RFX4: variants seen among roughly 807,000 people sequenced by gnomAD.
RFX4 encodes transcription factor RFX4.
A neutral mutation model predicts 95.0 loss-of-function variants in RFX4; 10 were observed. The observed-to-expected ratio is 0.11, with a 90% confidence interval of 0.06 to 0.18. The LOEUF (loss-of-function observed/expected upper bound fraction) is 0.18. RFX4 is among the 10% of genes least tolerant of loss of function. The pLI is 1.00. For synonymous variants in RFX4, 321 were observed against 340.7 expected, an observed-to-expected ratio of 0.94 and a Z score of 0.64; for missense variants, 640 against 922.0, an observed-to-expected ratio of 0.69 and a Z score of 3.96.
At chr12:106,690,188 T>C (rs192050404) in intron 7 of RFX4, among the ~76,000 whole-genome samples, 8 of 152,228 alleles carry the variant, frequency 5.3e-5, no homozygotes, top group African/African-American at 1.9e-4. Flanking sequence ...TAGGAGTAAA[T>C]GTTTGTTGAG....
chr12:106,615,330 G>T (rs1378687974), intron 2 of RFX4, among the ~76,000 whole-genome samples: 1 of 151,956 alleles, frequency 6.6e-6, no homozygotes, highest in Non-Finnish European at 1.5e-5. Flanking sequence ...CCAAACTGTT[G>T]GTCTTACTGT....
chr12:106,589,948 AG>A (rs1363034091), intron 1 of RFX4, among the ~76,000 whole-genome samples: 1 of 152,250 alleles, frequency 6.6e-6, no homozygotes, highest in Non-Finnish European at 1.5e-5. Context: ...TCATCCAAGA[AG>A]ACTATGTGTC....
chr12:106,690,122 T>C (rs2041748972), intron 7 of RFX4, among the ~76,000 whole-genome samples: 1 of 152,102 alleles, frequency 6.6e-6, no homozygotes, highest in Non-Finnish European at 1.5e-5. Flanking sequence ...AAAAACGATG[T>C]CAGGTACAAA....
intron 4 of RFX4, among the ~76,000 whole-genome samples, chr12:106,664,585 TCTTA>T (rs2041137653): frequency 6.6e-6 from 1 of 151,802 alleles, no homozygotes; most frequent in African/African-American, 2.4e-5. Context: ...TGTATCTTCT[TCTTA>T]CTTCAGATTA....
intron 2 of RFX4, among the ~76,000 whole-genome samples, chr12:106,619,522 A>G (rs1043535689): frequency 6.6e-6 from 1 of 151,954 alleles, no homozygotes; most frequent in Non-Finnish European, 1.5e-5. Context: ...AAATTTTTTC[A>G]TTGCCTTTGG....
intron 4 of RFX4, among the ~76,000 whole-genome samples, chr12:106,677,435 A>G (rs1485516351): frequency 6.6e-6 from 1 of 152,126 alleles, no homozygotes; most frequent in East Asian, 1.9e-4. Flanking sequence ...AGTCGATCAC[A>G]GAGGGCCTCA....
rs569527593 is a variant in RFX4 at position 106,632,864 on chromosome 12, C to T, written c.131-6468C>T. ...ATCTGGCACTACAGGTGCACGCCAC[C>T]GTATCTGGCACTACAGGTGCATGCC... On this transcript the variant is annotated intron_variant, in intron 2 of 17. Coordinates refer to ENST00000392842, the MANE Select transcript of RFX4 (RefSeq NM_213594.3). Among the ~76,000 whole-genome samples, 12 of 151,822 alleles carry T rather than the reference C, an allele frequency of 7.9e-5. No individual in the cohort carries two copies. In the South Asian group the frequency reaches 8.4e-4, roughly 11 times the overall value.
intron 2 of RFX4, among the ~76,000 whole-genome samples, chr12:106,621,919 G>A (rs2040194917): frequency 6.6e-6 from 1 of 152,108 alleles, no homozygotes; most frequent in Non-Finnish European, 1.5e-5. Flanking sequence ...AGTCCTGTCT[G>A]CATTTATTGC....
At chr12:106,732,312 T>C (rs2042628324) in intron 14 of RFX4, 63 bp downstream of exon 14, 1 of 1,591,734 alleles carries the variant, frequency 6.3e-7, no homozygotes, top group Non-Finnish European at 8.6e-7. Flanking sequence ...CTTACTTCTG[T>C]GCTTTATGTT....
intron 10 of RFX4, 132 bp downstream of exon 10, chr12:106,711,643 C>T: frequency 1.4e-6 from 1 of 706,650 alleles, no homozygotes; most frequent in Non-Finnish European, 2.5e-6. Context: ...TTAATTTCTA[C>T]AGATAAGGAA....
At chr12:106,743,006 TG>T (rs1760192145) in intron 15 of RFX4, among the ~76,000 whole-genome samples, 1 of 152,162 alleles carries the variant, frequency 6.6e-6, no homozygotes, top group Admixed American at 6.5e-5. Flanking sequence ...AAAGCAACCT[TG>T]GGGAAGAAGA....
At chr12:106,642,395 C>T (rs1468710233) in intron 3 of RFX4, among the ~76,000 whole-genome samples, 3 of 151,838 alleles carry the variant, frequency 2.0e-5, no homozygotes, top group South Asian at 2.1e-4. Flanking sequence ...GTGGGAGGAT[C>T]GCTTGAAGCC....
intron 17 of RFX4, among the ~76,000 whole-genome samples, chr12:106,758,633 A>G (rs1442454334): frequency 6.6e-6 from 1 of 152,236 alleles, no homozygotes; most frequent in Non-Finnish European, 1.5e-5. Flanking sequence ...GAGAATTCTA[A>G]GGCCCCAGAG....
At chr12:106,746,918 T>G (rs1438117606) in intron 15 of RFX4, among the ~76,000 whole-genome samples, 1 of 152,174 alleles carries the variant, frequency 6.6e-6, no homozygotes, top group Non-Finnish European at 1.5e-5. Flanking sequence ...AAATTTTTAT[T>G]GAGTGTTTTG....
At chr12:106,674,923 A>G (rs969449629) in intron 4 of RFX4, among the ~76,000 whole-genome samples, 2 of 152,142 alleles carry the variant, frequency 1.3e-5, no homozygotes, top group Middle Eastern at 3.2e-3. Context: ...ACATGGGGAA[A>G]ATGAGGCTGG....
chr12:106,607,762 G>GATGA lies in RFX4; in HGVS notation c.44-1011_44-1008dup, dbSNP rs74263340. Among the ~76,000 whole-genome samples the GATGA allele has an allele frequency of 8.2e-4, 125 of 151,708 alleles. 3 individuals are homozygous for GATGA. In the East Asian group the frequency reaches 0.012, roughly 15 times the overall value. On this transcript the variant is annotated intron_variant, in intron 1 of 17. Transcript: ENST00000392842. ...CTGTACTTAGCTGATGTTGTTGAATGATGAATGAATGAATGAATGAATGAA... is the reference window on the plus strand; with the variant it reads ...CTGTACTTAGCTGATGTTGTTGAATGATGAATGAATGAATGAATGAATGAATGAA...
intron 8 of RFX4, among the ~76,000 whole-genome samples, chr12:106,698,410 C>A (rs2041922908): frequency 6.6e-6 from 1 of 152,004 alleles, no homozygotes; most frequent in African/African-American, 2.4e-5. Context: ...TGCGGAGTAG[C>A]TAGAACTATA....
chr12:106,598,312 C>T (rs1053592178), intron 1 of RFX4, among the ~76,000 whole-genome samples: 1 of 152,112 alleles, frequency 6.6e-6, no homozygotes, highest in Non-Finnish European at 1.5e-5. Context: ...GAACGTTTGG[C>T]ATCTTTCAAA....
chr12:106,637,635 G>A (rs968341654), intron 2 of RFX4, among the ~76,000 whole-genome samples: 8 of 151,870 alleles, frequency 5.3e-5, no homozygotes, highest in African/African-American at 1.7e-4. Context: ...GTGGGTCAGG[G>A]AATTTTATGT....
Sources: gnomAD v4.1 joint callset for allele counts (sites outside exome capture counted in the v4.1 genomes callset) on GRCh38, gnomAD v4.1.1 for gene constraint, MANE v1.5 for transcripts, NCBI Gene and HGNC (gene_info 2026-07-23, HGNC 2026-07-21) for gene names.